The following PIGU variants were observed in gnomAD, a reference collection of about 807,000 sequenced individuals.
The protein encoded by PIGU is GPI-anchor transamidase component PIGU.
In PIGU, 24 loss-of-function variants were observed where a neutral mutation model predicts 49.9. The ratio of observed to expected loss-of-function variants is 0.48; its 90% confidence interval spans 0.35 to 0.68. PIGU has a LOEUF of 0.68. Ranked by LOEUF, PIGU falls within the 30% of genes least tolerant of loss-of-function variation. PIGU has a pLI of 0.01. For missense variants in PIGU, 490 were observed against 532.6 expected (o/e 0.92, Z 0.79); for synonymous variants, 220 against 205.7 (o/e 1.07, Z -0.59).
intron 7 of PIGU, among the ~76,000 whole-genome samples, chr20:34,613,242 C>A (rs980817349): frequency 6.6e-6 from 1 of 152,164 alleles, no homozygotes; most frequent in African/African-American, 2.4e-5. Flanking sequence ...TCTTCCTACT[C>A]CCATCTACCC....
intron 2 of PIGU, among the ~76,000 whole-genome samples, chr20:34,646,013 G>T (rs1393361419): frequency 3.3e-5 from 5 of 152,100 alleles, no homozygotes; most frequent in African/African-American, 1.2e-4. Flanking sequence ...GACCAAGATT[G>T]CTGATTCCAT....
chr20:34,601,196 ACTGG>A (rs1372979499), intron 7 of PIGU, among the ~76,000 whole-genome samples: 3 of 152,170 alleles, frequency 2.0e-5, no homozygotes, highest in African/African-American at 7.2e-5. Context: ...TCAGTGTTAG[ACTGG>A]AAAATGATTT....
chr20:34,563,109 A>G (rs963761177), intron 11 of PIGU, among the ~76,000 whole-genome samples: 7 of 152,196 alleles, frequency 4.6e-5, no homozygotes, highest in African/African-American at 1.4e-4. Context: ...GAATACTGGC[A>G]ATTTCATATG....
At position 34,639,380 on chromosome 20, in the gene PIGU, G is replaced by A. The variant is rs1364281086; in HGVS notation, c.319-1395C>T. Among the ~76,000 whole-genome samples, 3 of 152,036 alleles carry A rather than the reference G, an allele frequency of 2.0e-5. No individual in the cohort carries two copies. The East Asian group carries it at 5.8e-4, about 29-fold the overall frequency. On this transcript the variant is annotated intron_variant, in intron 4 of 11. Transcript: ENST00000217446. ...TATACCACCGCACTCCAGCCTGGGCGACAGAGCAAGACTCCGTCTCAAAAA... is the reference window on the plus strand; with the variant it reads ...TATACCACCGCACTCCAGCCTGGGCAACAGAGCAAGACTCCGTCTCAAAAA...
intron 11 of PIGU, among the ~76,000 whole-genome samples, chr20:34,563,325 T>TGGGAGGCCGA (rs1162095898): frequency 2.0e-5 from 3 of 152,170 alleles, no homozygotes. Context: ...CCCAGCACTT[T>TGGGAGGCCGA]GGGAGGCCGA....
At chr20:34,589,405 G>A (rs1227108777) in intron 7 of PIGU, among the ~76,000 whole-genome samples, 1 of 152,340 alleles carries the variant, frequency 6.6e-6, no homozygotes, top group South Asian at 2.1e-4. Flanking sequence ...CCAAGGTAGA[G>A]TGCAGTGGCA....
At position 34,672,855 on chromosome 20, in the gene PIGU, T is replaced by TTAA. The variant is rs772400912; in HGVS notation, c.130+4100_130+4101insTTA. ...GGGAGACAGAGTGGGACCCTGTCTC[T>TTAA]CAAAAAAAAAAAAAAAAAAAAAAAA... On this transcript the variant is annotated intron_variant, in intron 1 of 11. Coordinates refer to ENST00000217446, the MANE Select transcript of PIGU (RefSeq NM_080476.5). Among the ~76,000 whole-genome samples the TTAA allele has an allele frequency of 3.0e-3, 289 of 95,260 alleles. 15 individuals carry two copies. Among genetic ancestry groups the TTAA allele is most frequent in the South Asian group, 0.023 (62 of 2,678 alleles). 62.5% of individuals were successfully genotyped at this position (95,260 alleles called of 152,430 possible). A position where few individuals can be genotyped will look rare whatever the true frequency, so the allele number is the denominator to read the frequency against.
chr20:34,583,074 G>A (rs1379921544), intron 9 of PIGU, among the ~76,000 whole-genome samples: 1 of 152,236 alleles, frequency 6.6e-6, no homozygotes, highest in Non-Finnish European at 1.5e-5. Flanking sequence ...AGGTCAGGGT[G>A]ACTCAATGGG....
chr20:34,615,679 G>A (rs1452794354), intron 7 of PIGU, among the ~76,000 whole-genome samples: 1 of 152,052 alleles, frequency 6.6e-6, no homozygotes, highest in Non-Finnish European at 1.5e-5. Flanking sequence ...TGTCCCACTC[G>A]AGACATGAAT....
At chr20:34,608,138 G>A (rs528488182) in intron 7 of PIGU, among the ~76,000 whole-genome samples, 1 of 147,044 alleles carries the variant, frequency 6.8e-6, no homozygotes, top group Non-Finnish European at 1.5e-5. Context: ...GCAGTGGTGC[G>A]ATCTCGGCTC....
At chr20:34,648,713 T>A (rs113299530) in intron 2 of PIGU, among the ~76,000 whole-genome samples, 3,385 of 152,040 alleles carry the variant, frequency 0.022, 52 homozygotes, top group Middle Eastern at 0.037. Context: ...CACACCCAGA[T>A]AATTTTTGTA....
intron 2 of PIGU, among the ~76,000 whole-genome samples, chr20:34,654,983 C>T (rs374823276): frequency 2.2e-5 from 2 of 92,180 alleles, no homozygotes; most frequent in African/African-American, 8.1e-5. Flanking sequence ...CCATCCTGGG[C>T]GACAGAGCGA....
chr20:34,656,316 T>C (rs1430684851), intron 2 of PIGU, among the ~76,000 whole-genome samples: 4 of 75,402 alleles, frequency 5.3e-5, no homozygotes, highest in East Asian at 4.3e-4. Flanking sequence ...GGAGTCTCGC[T>C]CTGTCACCCA....
At chr20:34,609,554 G>A (rs1261740640) in intron 7 of PIGU, among the ~76,000 whole-genome samples, 3 of 151,966 alleles carry the variant, frequency 2.0e-5, no homozygotes, top group East Asian at 1.9e-4. Flanking sequence ...TAGTAGAGAC[G>A]CGGTTTCACT....
At position 34,644,844 on chromosome 20, in the gene PIGU, T is replaced by A. The variant is rs533436579; in HGVS notation, c.255+431A>T. Among the ~76,000 whole-genome samples the A allele has an allele frequency of 3.4e-4, 52 of 152,230 alleles. No homozygotes were observed. In the South Asian group the frequency reaches 3.7e-3, roughly 11 times the overall value. ...TTCACAATTAAAGCCAATCATAGAA[T>A]CTCAGAGCTAGAAAATTCAAGACTA... On this transcript the variant is annotated intron_variant, in intron 3 of 11. Transcript: ENST00000217446.
chr20:34,595,051 G>A (rs202237274), intron 7 of PIGU, among the ~76,000 whole-genome samples: 78 of 136,420 alleles, frequency 5.7e-4, no homozygotes, highest in Admixed American at 1.1e-3. Flanking sequence ...AGCCGAGATC[G>A]CGCCACTGCA....
rs532071948 is a variant in PIGU at position 34,583,911 on chromosome 20, A to G, written c.926+1526T>C. On this transcript the variant is annotated intron_variant, in intron 9 of 11. Transcript: ENST00000217446. ...GAATGGCAGGAAGGTTAGGACAGAG[A>G]ACTTGAGCTCTTGAAACCTAAATCA... Among the ~76,000 whole-genome samples, 4 of 152,330 alleles carry G rather than the reference A, an allele frequency of 2.6e-5. No homozygotes were observed. In the East Asian group the frequency reaches 7.7e-4, roughly 29 times the overall value.
intron 7 of PIGU, 78 bp from the exon 8 acceptor site, chr20:34,588,685 C>G (rs950783695): frequency 2.9e-6 from 4 of 1,392,348 alleles, no homozygotes; most frequent in Non-Finnish European, 3.9e-6. Flanking sequence ...TTAAAGATCC[C>G]TCCCGCAAAA....
chr20:34,643,284 G>A (rs1367504778), intron 4 of PIGU, among the ~76,000 whole-genome samples: 2 of 152,060 alleles, frequency 1.3e-5, no homozygotes, highest in African/African-American at 2.4e-5. Context: ...CAGTTTTATA[G>A]GCCCATTAAG....
Sources: gnomAD v4.1 joint callset for allele counts (sites outside exome capture counted in the v4.1 genomes callset) on GRCh38, gnomAD v4.1.1 for gene constraint, MANE v1.5 for transcripts, NCBI Gene and HGNC (gene_info 2026-07-23, HGNC 2026-07-21) for gene names.